Variants in CDH13 observed in about 807,000 individuals in gnomAD.
The protein encoded by CDH13 is cadherin 13, also known as cadherin-13.
Under a neutral mutation model 63.8 loss-of-function variants are expected in CDH13, and 24 were observed. The observed-to-expected ratio is 0.38, with a 90% CI of 0.27 to 0.53. The LOEUF (loss-of-function observed/expected upper bound fraction) is 0.53, where lower values mean the gene tolerates loss of function less well. CDH13 is among the 20% of genes least tolerant of loss of function. CDH13 has a pLI of 0.85. For synonymous variants in CDH13, 503 were observed against 355.3 expected (o/e 1.42, Z -4.67); for missense variants, 1,049 against 903.1 (o/e 1.16, Z -2.07).
chr16:82,885,881 T>A (rs1179186093), intron 2 of CDH13, among the ~76,000 whole-genome samples: 2 of 152,180 alleles, frequency 1.3e-5, no homozygotes, highest in African/African-American at 4.8e-5. Flanking sequence ...ATATAATCCA[T>A]ATAAGATACT....
chr16:83,154,854 G>A (rs532994384), intron 4 of CDH13, among the ~76,000 whole-genome samples: 5 of 152,164 alleles, frequency 3.3e-5, no homozygotes, highest in South Asian at 4.1e-4. Context: ...TATTTCAACC[G>A]GTTTTTCTGT....
At chr16:83,235,421 G>GA (rs1253199481) in intron 5 of CDH13, among the ~76,000 whole-genome samples, 1 of 152,086 alleles carries the variant, frequency 6.6e-6, no homozygotes, top group Non-Finnish European at 1.5e-5. Flanking sequence ...TCATCTAACC[G>GA]AATCATGTTT....
At position 83,052,968 on chromosome 16, in the gene CDH13, G is replaced by A. The variant is rs143738922; in HGVS notation, c.366+20750G>A. 5.6e-4 allele frequency among the ~76,000 whole-genome samples: 85 copies of A among 151,998 alleles called. 1 individual carries two copies. The East Asian group carries it at 0.014, about 26-fold the overall frequency. On this transcript the variant is annotated intron_variant, in intron 3 of 13. Transcript: ENST00000567109. ...GTGATTCTTTCCACGATAGAAGACC[G>A]TGAAAGAGGCAATGCAGTGAGACCA...
rs995930783 is a variant in CDH13 at position 83,047,443 on chromosome 16, C to G, written c.366+15225C>G. Among the ~76,000 whole-genome samples the G allele has an allele frequency of 6.6e-6, 1 of 152,098 alleles. No individual in the cohort carries two copies. On this transcript the variant is annotated intron_variant, in intron 3 of 13. Transcript: ENST00000567109. This position sits in a 1 kb window ranked among gnomAD's most constrained non-coding sequence, Gnocchi z 4.9. ...AGCCTAGTCTGTAAGAGCGTGACCA[C>G]CAGTCTTATTTACCTTGTTATCTGT...
At chr16:82,706,208 A>G (rs1022558168) in intron 1 of CDH13, among the ~76,000 whole-genome samples, 5 of 151,970 alleles carry the variant, frequency 3.3e-5, no homozygotes, top group African/African-American at 7.3e-5. Context: ...TTCAAACCCT[A>G]TTATATACCA....
chr16:82,899,682 T>C (rs1202298874), intron 2 of CDH13, among the ~76,000 whole-genome samples: 1 of 152,162 alleles, frequency 6.6e-6, no homozygotes, highest in Admixed American at 6.5e-5. Flanking sequence ...TGCACTGGTT[T>C]ATAGTCATGC....
chr16:82,831,021 G>C (rs796483757), intron 1 of CDH13, among the ~76,000 whole-genome samples: 8 of 152,218 alleles, frequency 5.3e-5, no homozygotes, highest in African/African-American at 1.9e-4. Flanking sequence ...CCCCTTCTCT[G>C]CTTGCTCTCC....
intron 7 of CDH13, among the ~76,000 whole-genome samples, chr16:83,559,337 C>T (rs931688251): frequency 2.6e-5 from 4 of 152,100 alleles, no homozygotes; most frequent in Admixed American, 1.3e-4. Context: ...TTTGGGAGGC[C>T]GAGGCAGGTG....
chr16:83,068,846 G>A (rs1265044217), intron 3 of CDH13, among the ~76,000 whole-genome samples: 2 of 152,132 alleles, frequency 1.3e-5, no homozygotes, highest in African/African-American at 4.8e-5. Flanking sequence ...CTGCCCCCTT[G>A]TTGTTCAATT....
intron 11 of CDH13, among the ~76,000 whole-genome samples, chr16:83,779,439 G>T (rs964538191): frequency 5.5e-4 from 17 of 31,174 alleles, no homozygotes; most frequent in East Asian, 8.3e-4. Flanking sequence ...AAAAAAAAAA[G>T]TCTTATATAT....
chr16:83,457,342 A>G (rs1316974252), intron 6 of CDH13, among the ~76,000 whole-genome samples: 1 of 152,174 alleles, frequency 6.6e-6, no homozygotes, highest in Non-Finnish European at 1.5e-5. Flanking sequence ...ATTGATCACC[A>G]TGGTGGGCAG....
chr16:82,706,027 T>A (rs921034212), intron 1 of CDH13, among the ~76,000 whole-genome samples: 1 of 152,112 alleles, frequency 6.6e-6, no homozygotes, highest in African/African-American at 2.4e-5. Flanking sequence ...ACCCTGTTTT[T>A]ATTCTGTCTT....
chr16:83,231,088 G>A (rs576070737), intron 5 of CDH13, among the ~76,000 whole-genome samples: 13 of 152,146 alleles, frequency 8.5e-5, no homozygotes, highest in African/African-American at 2.4e-4. Context: ...TGCTAGGATC[G>A]GAACAGGGAA....
chr16:82,978,131 C>G (rs1221958538), intron 2 of CDH13, among the ~76,000 whole-genome samples: 1 of 152,100 alleles, frequency 6.6e-6, no homozygotes, highest in Non-Finnish European at 1.5e-5. Flanking sequence ...GAATAAATCT[C>G]CAAGCAGCAG....
chr16:82,891,303 T>G (rs2041073401), intron 2 of CDH13, among the ~76,000 whole-genome samples: 1 of 152,154 alleles, frequency 6.6e-6, no homozygotes. Flanking sequence ...GAAGCAGATT[T>G]CGTGGAACCC....
chr16:83,411,206 C>G (rs2092121075), intron 6 of CDH13, among the ~76,000 whole-genome samples: 1 of 152,198 alleles, frequency 6.6e-6, no homozygotes, highest in African/African-American at 2.4e-5. Context: ...ACCCACTAAT[C>G]TCTGCATAGC....
chr16:83,296,616 G>A (rs908270551), intron 5 of CDH13, among the ~76,000 whole-genome samples: 1 of 152,030 alleles, frequency 6.6e-6, no homozygotes, highest in Non-Finnish European at 1.5e-5. Flanking sequence ...CAGTTAATTA[G>A]TACAACACAA....
intron 1 of CDH13, among the ~76,000 whole-genome samples, chr16:82,767,383 A>G (rs1255016423): frequency 6.6e-6 from 1 of 152,262 alleles, no homozygotes; most frequent in Non-Finnish European, 1.5e-5. Context: ...CTTGATATAA[A>G]TAGAATCATG....
At chr16:83,505,096 G>C (rs1011247380) in intron 7 of CDH13, among the ~76,000 whole-genome samples, 1 of 152,146 alleles carries the variant, frequency 6.6e-6, no homozygotes, top group African/African-American at 2.4e-5. Flanking sequence ...CAAAGGATGT[G>C]CATAGGAAAT....
Sources: gnomAD v4.1 joint callset for allele counts (sites outside exome capture counted in the v4.1 genomes callset) on GRCh38, gnomAD v4.1.1 for gene constraint, Gnocchi (gnomAD v3.1) non-coding constraint, MANE v1.5 for transcripts, NCBI Gene and HGNC (gene_info 2026-07-23, HGNC 2026-07-21) for gene names.